The following AUNIP variants were observed in gnomAD, a reference collection of about 807,000 sequenced individuals.
AUNIP encodes the protein aurora kinase A- and ninein-interacting protein.
AUNIP carries 16 observed loss-of-function variants against 12.2 expected under a neutral mutation model. The ratio of observed to expected loss-of-function variants is 1.31; its 90% CI spans 0.88 to 1.99. The LOEUF (loss-of-function observed/expected upper bound fraction) is 1.99, where lower values mean the gene tolerates loss of function less well. Among genes scored for constraint, AUNIP ranks in the 30% most tolerant of loss-of-function variants. The probability of loss-of-function intolerance (pLI) is 0.00; values close to 1 mark genes in which losing one functional copy is unlikely to be tolerated. For missense variants in AUNIP, 411 were observed against 419.1 expected, an observed-to-expected ratio of 0.98 and a Z score of 0.17; for synonymous variants, 142 against 154.8, an observed-to-expected ratio of 0.92 and a Z score of 0.61.
chr1:25,833,994 T>C (rs1393541268), downstream of AUNIP: 1 of 974,728 alleles, frequency 1.0e-6, no homozygotes, highest in East Asian at 1.1e-4. Flanking sequence ...AATTACCAAT[T>C]ATCACAAGAG....
At chr1:25,845,132 T>G (rs2048372979) in intron 1 of AUNIP, among the ~76,000 whole-genome samples, 1 of 152,208 alleles carries the variant, frequency 6.6e-6, no homozygotes, top group Non-Finnish European at 1.5e-5. Context: ...CACACTACCT[T>G]AGTTTAGGAT....
chr1:25,832,227 T>G, downstream of AUNIP: 1 of 1,449,684 alleles, frequency 6.9e-7, no homozygotes, highest in Non-Finnish European at 9.4e-7. Context: ...GGCTTGTGAT[T>G]TGACCTGAGA....
chr1:25,832,915 T>C (rs1279809722), downstream of AUNIP: 1 of 152,426 alleles, frequency 6.6e-6, no homozygotes, highest in Non-Finnish European at 1.5e-5. Context: ...TACCTGACAT[T>C]AAAGGAAGGA....
rs751599793 is a variant in AUNIP, at chr1:25,834,410, T to C, written c.*583A>G. 1.3e-4 allele frequency: 113 copies of C among 901,550 alleles called. No homozygotes were observed. The highest frequency in any genetic ancestry group is 1.4e-4 in the Non-Finnish European group (109 of 754,022). 55.8% of individuals were successfully genotyped at this position (901,550 alleles called of 1,614,324 possible). ...GTGGGCGGATCAGGAGGTCAGGAGA[T>C]GGAGACCATCCTGGCTAATATGGTG... On this transcript the variant is annotated 3_prime_UTR_variant, in exon 3 of 3. Transcript: ENST00000374298.
chr1:25,838,999 C>A (rs2048330473), intron 1 of AUNIP, among the ~76,000 whole-genome samples: 1 of 152,130 alleles, frequency 6.6e-6, no homozygotes, highest in African/African-American at 2.4e-5. Context: ...AGAAAGAAAT[C>A]ATGGGGGTAA....
rs2048358655 is a variant in AUNIP, at chr1:25,843,257, CAAG to C, written c.79-5706_79-5704del. On this transcript the variant is annotated intron_variant, in intron 1 of 2. Transcript: ENST00000374298. ...CACTCAAGAGCTTGATGGAGATGTA[CAAG>C]AAGATTAATGTTTTCATGCCTGTTA... is the stretch of plus-strand genomic sequence containing the variant. Among the ~76,000 whole-genome samples the C allele has an allele frequency of 2.0e-5, 3 of 149,922 alleles. No homozygotes were observed. The South Asian group carries it at 6.3e-4, about 32-fold the overall frequency.
At chr1:25,843,322 T>C (rs1328150639) in intron 1 of AUNIP, among the ~76,000 whole-genome samples, 5 of 151,006 alleles carry the variant, frequency 3.3e-5, no homozygotes, top group African/African-American at 1.2e-4. Flanking sequence ...GATCAAAGAG[T>C]AATTTCAATT....
At position 25,847,541 on chromosome 1, in the gene AUNIP, A is replaced by C. The variant is rs2048392878; in HGVS notation, c.79-9987T>G. Among the ~76,000 whole-genome samples the C allele has an allele frequency of 6.6e-6, 1 of 152,194 alleles. No individual in the cohort carries two copies. Among genetic ancestry groups the C allele is most frequent in the South Asian group, 2.1e-4 (1 of 4,836 alleles). ...CAGCCTCCAAAAGTGCTGGGATTAC[A>C]GGCATAAACCACCACACCCGACCTT... On this transcript the variant is annotated intron_variant, in intron 1 of 2. Transcript: ENST00000374298. This position sits in a 1 kb window ranked among gnomAD's most constrained non-coding sequence, Gnocchi z 4.2.
chr1:25,856,561 G>A (rs2048462947), intron 1 of AUNIP, among the ~76,000 whole-genome samples: 2 of 151,926 alleles, frequency 1.3e-5, no homozygotes, highest in Non-Finnish European at 2.9e-5. Flanking sequence ...TGTAATCCCA[G>A]CTACTCTGGA....
At chr1:25,858,278 TAA>T (rs2048479068) in intron 1 of AUNIP, among the ~76,000 whole-genome samples, 1 of 152,238 alleles carries the variant, frequency 6.6e-6, no homozygotes, top group South Asian at 2.1e-4. Flanking sequence ...CTGCCATTGA[TAA>T]AGTGTATAAA....
rs552749924 is a variant in AUNIP at position 25,847,038 on chromosome 1, A to G, written c.79-9484T>C. 1.1e-3 allele frequency among the ~76,000 whole-genome samples: 168 copies of G among 152,352 alleles called. 2 individuals are homozygous for G. The Middle Eastern group carries it at 0.014, about 12-fold the overall frequency. ...TTAACTTCAACAGAAGTATTGTAGT[A>G]TATGGATACAATCAGCAGCTATATA... On this transcript the variant is annotated intron_variant, in intron 1 of 2. Coordinates refer to ENST00000374298, the MANE Select transcript of AUNIP (RefSeq NM_024037.3). The surrounding 1 kb of genome is among the most constrained non-coding windows in gnomAD (Gnocchi z 4.2).
chr1:25,833,296 T>TGTAGCGATG (rs550899456), downstream of AUNIP, among the ~76,000 whole-genome samples: 176 of 152,014 alleles, frequency 1.2e-3, no homozygotes, highest in Admixed American at 2.0e-3. Context: ...TAAATTTTTT[T>TGTAGCGATG]GTAGCGATGG....
In AUNIP at chr1:25,852,456, T is replaced by G. The variant is rs1328854230; in HGVS notation, c.78+6824A>C. Among the ~76,000 whole-genome samples the G allele has an allele frequency of 2.7e-4, 40 of 146,678 alleles. 1 individual carries two copies. Among genetic ancestry groups the G allele is most frequent in the Middle Eastern group, 3.4e-3 (1 of 292 alleles). On this transcript the variant is annotated intron_variant, in intron 1 of 2. Coordinates refer to ENST00000374298, the MANE Select transcript of AUNIP (RefSeq NM_024037.3). ...AGATTAGATTATTTAAGGTTTTTTT[T>G]TTTGTTGTTTTTTTTTTTGAGACAG...
rs934088975 is a variant in AUNIP at position 25,837,475 on chromosome 1, CTTT to C, written c.155_157del (p.Gln52del). ...GTGAATGCCTGTAGATGGAGCTCTT[CTTT>C]GAGTAAAATAAATATTAGCCTTTCT... On this transcript the variant is annotated inframe_deletion, in exon 2 of 3. Transcript: ENST00000374298. The C allele has an allele frequency of 6.2e-7, 1 of 1,614,004 alleles. No homozygotes were observed. Among genetic ancestry groups the C allele is most frequent in the Non-Finnish European group, 8.5e-7 (1 of 1,179,892 alleles).
intron 1 of AUNIP, 150 bp from the exon 2 acceptor site, chr1:25,837,704 A>G: frequency 1.4e-6 from 1 of 713,564 alleles, no homozygotes; most frequent in Non-Finnish European, 2.1e-6. Flanking sequence ...GGTGCTGGAC[A>G]TCATCTTCCA....
At chr1:25,831,973 C>T, downstream of AUNIP, 1 of 1,614,110 alleles carries the variant, frequency 6.2e-7, no homozygotes. Flanking sequence ...CTCTGAGGTC[C>T]TAAGGAGGAA....
intron 1 of AUNIP, among the ~76,000 whole-genome samples, chr1:25,858,314 T>C (rs7523664): frequency 3.3e-5 from 5 of 152,202 alleles, no homozygotes; most frequent in African/African-American, 1.2e-4. Flanking sequence ...GCCTGACACA[T>C]AGAAAGCACT....
intron 1 of AUNIP, among the ~76,000 whole-genome samples, chr1:25,858,596 T>C (rs545380068): frequency 6.6e-6 from 1 of 152,362 alleles, no homozygotes; most frequent in South Asian, 2.1e-4. Flanking sequence ...GAAGAGCATC[T>C]TGCCTAGGTG....
At position 25,834,703 on chromosome 1, in the gene AUNIP, A is replaced by G; in HGVS notation, c.*290T>C. ...AGAGATGGCTCTGTGCAGGCTGAGTAAAAGGCACTTTCATAGAGATAAATA... is the reference window on the plus strand; with the variant it reads ...AGAGATGGCTCTGTGCAGGCTGAGTGAAAGGCACTTTCATAGAGATAAATA... On this transcript the variant is annotated 3_prime_UTR_variant, in exon 3 of 3. Transcript: ENST00000374298. The G allele has an allele frequency of 8.4e-7, 1 of 1,191,542 alleles. No individual in the cohort carries two copies. 73.8% of individuals were successfully genotyped at this position (1,191,542 alleles called of 1,614,324 possible).
Sources: allele counts gnomAD v4.1 joint callset (sites outside exome capture counted in the v4.1 genomes callset), GRCh38; gene constraint gnomAD v4.1.1; non-coding constraint Gnocchi (gnomAD v3.1); transcripts MANE v1.5; gene names NCBI Gene and HGNC (gene_info 2026-07-23, HGNC 2026-07-21).